Variants in SOBP observed in about 807,000 individuals in gnomAD.
SOBP encodes sine oculis-binding protein homolog.
In SOBP, 4 loss-of-function variants were observed where a neutral mutation model predicts 53.6. The observed-to-expected ratio is 0.07, with a 90% CI of 0.04 to 0.17. The LOEUF (loss-of-function observed/expected upper bound fraction) is 0.17. SOBP is among the 10% of genes least tolerant of loss of function. The pLI, the probability that SOBP is intolerant of heterozygous loss-of-function variation, is 1.00. For synonymous variants in SOBP, 584 were observed against 522.6 expected (o/e 1.12, Z -1.60); for missense variants, 1,088 against 1,204.7 (o/e 0.90, Z 1.43).
At chr6:107,545,519 G>A (rs1784275698) in intron 4 of SOBP, among the ~76,000 whole-genome samples, 1 of 152,154 alleles carries the variant, frequency 6.6e-6, no homozygotes, top group Admixed American at 6.5e-5. Flanking sequence ...TGTAATTTTA[G>A]TACCTAAAGT....
chr6:107,513,724 C>CAAA (rs57209957), intron 3 of SOBP, among the ~76,000 whole-genome samples: 75 of 96,340 alleles, frequency 7.8e-4, no homozygotes, highest in Non-Finnish European at 1.2e-3. Flanking sequence ...ATGCAATTCT[C>CAAA]AAAAAAAAAA....
intron 3 of SOBP, chr6:107,514,613 A>G (rs188204278): frequency 1.4e-4 from 22 of 152,382 alleles, no homozygotes; most frequent in African/African-American, 5.3e-4. Context: ...GAAGACTGCC[A>G]GAGCAAGAAC....
chr6:107,494,904 CAATA>C (rs1782662288), intron 1 of SOBP, among the ~76,000 whole-genome samples: 1 of 151,956 alleles, frequency 6.6e-6, no homozygotes, highest in Admixed American at 6.6e-5. Flanking sequence ...ATTGCACAGA[CAATA>C]AAGCAAGTTG....
chr6:107,627,810 C>T (rs570614857), intron 5 of SOBP, among the ~76,000 whole-genome samples: 51 of 152,320 alleles, frequency 3.3e-4, no homozygotes, highest in Admixed American at 5.9e-4. Context: ...CTCTCAATTC[C>T]GTATGGCTTT....
At chr6:107,597,036 G>C (rs1216519241) in intron 5 of SOBP, among the ~76,000 whole-genome samples, 3 of 152,124 alleles carry the variant, frequency 2.0e-5, no homozygotes, top group South Asian at 2.1e-4. Context: ...GGTTTCCTTT[G>C]AATGGAAAAT....
Position 107,634,917 on chromosome 6 carries a change from C to A in SOBP, c.2073C>A (p.Gly691=). The change falls in exon 6 of 7, where the codon GGC becomes GGA. Residue 691 remains glycine, a synonymous_variant. Coordinates refer to ENST00000317357, the MANE Select transcript of SOBP (RefSeq NM_018013.4). The surrounding 1 kb of genome is among the most constrained non-coding windows in gnomAD (Gnocchi z 4.5). ...EPSAAERRTC[G]GCRDGHCSPP... Reference sequence around the variant, plus strand: ...GCGCCGCGGAGCGCAGGACCTGCGGCGGCTGCAGGGACGGCCACTGCAGCC... The same window carrying A: ...GCGCCGCGGAGCGCAGGACCTGCGGAGGCTGCAGGGACGGCCACTGCAGCC... 1.6e-6 allele frequency: 2 copies of A among 1,216,060 alleles called. No individual in the cohort carries two copies. Among genetic ancestry groups the A allele is most frequent in the African/African-American group, 1.6e-5 (1 of 62,924 alleles). 75.3% of individuals were successfully genotyped at this position (1,216,060 alleles called of 1,614,324 possible). A position where few individuals can be genotyped will look rare whatever the true frequency, so the allele number is the denominator to read the frequency against.
intron 1 of SOBP, among the ~76,000 whole-genome samples, chr6:107,499,699 TC>T (rs370400105): frequency 6.6e-6 from 1 of 152,226 alleles, no homozygotes; most frequent in African/African-American, 2.4e-5. Flanking sequence ...AAGTAGAAGT[TC>T]TTTGATTTTA....
chr6:107,579,443 A>T (rs1187454979), intron 4 of SOBP, among the ~76,000 whole-genome samples: 1 of 151,734 alleles, frequency 6.6e-6, no homozygotes, highest in African/African-American at 2.4e-5. Context: ...AATAAAAAGT[A>T]AAAACAGGCA....
At chr6:107,494,387 C>A (rs969821741) in intron 1 of SOBP, among the ~76,000 whole-genome samples, 3 of 152,156 alleles carry the variant, frequency 2.0e-5, no homozygotes, top group African/African-American at 7.2e-5. Flanking sequence ...AAACTAACTT[C>A]TACTAGTGGA....
intron 4 of SOBP, among the ~76,000 whole-genome samples, chr6:107,576,791 A>G (rs1785237646): frequency 1.3e-5 from 2 of 152,202 alleles, no homozygotes; most frequent in Admixed American, 6.5e-5. Flanking sequence ...ACGGGCCAGA[A>G]CAGATGTAGG....
At chr6:107,525,994 CT>C (rs1783649065) in intron 3 of SOBP, among the ~76,000 whole-genome samples, 1 of 151,952 alleles carries the variant, frequency 6.6e-6, no homozygotes, top group Admixed American at 6.6e-5. Flanking sequence ...GTTGCCCGGG[CT>C]GGAGTGCAAT....
intron 6 of SOBP, among the ~76,000 whole-genome samples, chr6:107,646,557 T>C (rs1771569162): frequency 6.6e-6 from 1 of 152,238 alleles, no homozygotes; most frequent in Admixed American, 6.5e-5. Context: ...ATGCCTAGAC[T>C]GTCTGTCCTT....
intron 6 of SOBP, among the ~76,000 whole-genome samples, chr6:107,638,629 CT>C (rs1382182408): frequency 6.6e-6 from 1 of 152,154 alleles, no homozygotes; most frequent in Non-Finnish European, 1.5e-5. Context: ...GACCGTATGG[CT>C]TTTGTGCCCT....
chr6:107,552,330 G>A (rs960535559), intron 4 of SOBP, among the ~76,000 whole-genome samples: 3 of 152,214 alleles, frequency 2.0e-5, no homozygotes, highest in African/African-American at 7.2e-5. Context: ...AGAACTGCAG[G>A]TGATGTGTGT....
rs528076659 is a variant in SOBP, at chr6:107,634,638, C to T, written c.1794C>T (p.Pro598=). 3.2e-6 allele frequency: 5 copies of T among 1,576,760 alleles called. No homozygotes were observed. The highest frequency in any genetic ancestry group is 4.3e-6 in the Non-Finnish European group (5 of 1,167,852). Residue 598 remains proline, a synonymous_variant, in exon 6 of 7, where the codon CCC becomes CCT. Transcript: ENST00000317357. This position sits in a 1 kb window ranked among gnomAD's most constrained non-coding sequence, Gnocchi z 4.5. ...KQGSSKSADS[P]PGCSGQALSL... ...GCTCGTCCAAGTCCGCGGACTCGCCCCCCGGCTGCTCGGGCCAGGCCCTGA... is the reference window on the plus strand; with the variant it reads ...GCTCGTCCAAGTCCGCGGACTCGCCTCCCGGCTGCTCGGGCCAGGCCCTGA...
intron 3 of SOBP, among the ~76,000 whole-genome samples, chr6:107,507,454 C>G (rs935428688): frequency 3.9e-5 from 6 of 152,012 alleles, no homozygotes; most frequent in African/African-American, 1.2e-4. Context: ...TACAGCTGCT[C>G]ACCACCACGC....
chr6:107,582,571 A>C (rs1018254111), intron 4 of SOBP, among the ~76,000 whole-genome samples: 2 of 152,076 alleles, frequency 1.3e-5, no homozygotes, highest in Admixed American at 1.3e-4. Flanking sequence ...AAAAAAAGAA[A>C]TTTCCTTAGA....
intron 4 of SOBP, among the ~76,000 whole-genome samples, chr6:107,541,494 G>GT (rs1784145990): frequency 6.6e-6 from 1 of 152,070 alleles, no homozygotes; most frequent in Non-Finnish European, 1.5e-5. Flanking sequence ...CTTTCTTAAT[G>GT]TTTAACTTTC....
At chr6:107,533,323 GAA>G (rs1783896775) in intron 3 of SOBP, 134 bp from the exon 4 acceptor site, 1 of 405,924 alleles carries the variant, frequency 2.5e-6, no homozygotes, top group Non-Finnish European at 4.5e-6. Context: ...GAGAGAGAGA[GAA>G]AGAAAAAGCA....
Sources: gnomAD v4.1 joint callset for allele counts (sites outside exome capture counted in the v4.1 genomes callset) on GRCh38, gnomAD v4.1.1 for gene constraint, Gnocchi (gnomAD v3.1) non-coding constraint, MANE v1.5 for transcripts, NCBI Gene and HGNC (gene_info 2026-07-23, HGNC 2026-07-21) for gene names.